PAPOLA: variants seen among roughly 807,000 people sequenced by gnomAD.
PAPOLA encodes polynucleotide adenylyltransferase alpha.
In PAPOLA, 15 loss-of-function variants were observed where a neutral mutation model predicts 100.6. The ratio of observed to expected loss-of-function variants is 0.15; its 90% CI spans 0.10 to 0.23. The LOEUF (loss-of-function observed/expected upper bound fraction) is 0.23. Ranked by LOEUF, PAPOLA falls within the 10% of genes least tolerant of loss-of-function variation. The pLI is 1.00. For synonymous variants in PAPOLA, 293 were observed against 300.0 expected (o/e 0.98, Z 0.24); for missense variants, 533 against 884.2 (o/e 0.60, Z 5.04).
chr14:96,509,775 A>G (rs1379217468), intron 1 of PAPOLA, among the ~76,000 whole-genome samples: 1 of 152,206 alleles, frequency 6.6e-6, no homozygotes, highest in Non-Finnish European at 1.5e-5. Context: ...AGGAATAGTA[A>G]AAATACGGTA....
intron 1 of PAPOLA, among the ~76,000 whole-genome samples, chr14:96,513,910 C>G (rs147421947): frequency 6.6e-6 from 1 of 152,030 alleles, no homozygotes; most frequent in Non-Finnish European, 1.5e-5. Context: ...ATGGCTTTTG[C>G]GTTCCGTGTC....
intron 7 of PAPOLA, chr14:96,531,967 A>G: frequency 8.0e-7 from 1 of 1,253,178 alleles, no homozygotes; most frequent in Non-Finnish European, 1.0e-6. Context: ...ATATTAGCAT[A>G]GCTTGTTACT....
chr14:96,506,312 C>A (rs983303483), intron 1 of PAPOLA, among the ~76,000 whole-genome samples: 1 of 152,158 alleles, frequency 6.6e-6, no homozygotes, highest in African/African-American at 2.4e-5. Context: ...ATTTAATGTA[C>A]TGTGACCACG....
intron 16 of PAPOLA, among the ~76,000 whole-genome samples, chr14:96,549,272 G>A (rs1384281013): frequency 2.0e-5 from 3 of 148,028 alleles, no homozygotes; most frequent in Non-Finnish European, 4.5e-5. Flanking sequence ...TTTTTGAGAC[G>A]GAGTCTCACT....
At chr14:96,529,385 T>G (rs1898787714) in intron 6 of PAPOLA, among the ~76,000 whole-genome samples, 1 of 151,962 alleles carries the variant, frequency 6.6e-6, no homozygotes, top group Admixed American at 6.6e-5. Flanking sequence ...TAGGTATGTT[T>G]AAATGATATT....
At chr14:96,534,735 A>G in intron 10 of PAPOLA, 172 bp downstream of exon 10, 5 of 1,432,242 alleles carry the variant, frequency 3.5e-6, no homozygotes, top group Non-Finnish European at 3.6e-6. Flanking sequence ...AATTGATGTG[A>G]GAAGCATAAT....
chr14:96,522,108 C>CT (rs1566840969), intron 3 of PAPOLA, among the ~76,000 whole-genome samples: 21 of 98,320 alleles, frequency 2.1e-4, no homozygotes, highest in African/African-American at 9.3e-4. Context: ...TAGCCTCTTT[C>CT]TTTCTTTCTT....
chr14:96,552,573 A>G lies in PAPOLA; in HGVS notation c.1615A>G (p.Thr539Ala), dbSNP rs201752398. The G allele has an allele frequency of 5.0e-5, 80 of 1,613,982 alleles. No individual in the cohort carries two copies. The highest frequency in any genetic ancestry group is 2.2e-5 in the East Asian group (1 of 44,884). The change falls in exon 17 of 22, where the codon ACT becomes GCT. Residue 539 changes from threonine to alanine, a missense_variant. Physicochemically the swap from Thr to Ala is moderately conservative, Grantham distance 58. Around this residue, in one of 9 missense-constraint regions of PAPOLA, gnomAD observed 242 missense variants for 281.0 expected, o/e 0.86. Transcript: ENST00000216277. Reference sequence around the variant, plus strand: ...TAACAGCATGTCTGTGCCTTCACCTACTAGTGCTACGAAGACCAGTCCATT... The same window carrying G: ...TAACAGCATGTCTGTGCCTTCACCTGCTAGTGCTACGAAGACCAGTCCATT... ...SDNSMSVPSP[T>A]SATKTSPLNS... is the part of the protein sequence containing the mutation.
intron 21 of PAPOLA, 73 bp from the exon 22 acceptor site, chr14:96,564,882 G>T (rs1371899491): frequency 3.8e-6 from 3 of 798,406 alleles, no homozygotes; most frequent in Non-Finnish European, 4.4e-6. Context: ...AGGAAGTAAA[G>T]CAATGGAAAA....
chr14:96,544,127 A>G (rs1900203739), intron 14 of PAPOLA, 22 bp from the exon 15 acceptor site: 2 of 1,227,168 alleles, frequency 1.6e-6, no homozygotes, highest in South Asian at 1.2e-5. Context: ...CAGATAAACT[A>G]TGGTAATGCT....
intron 8 of PAPOLA, 35 bp from the exon 9 acceptor site, chr14:96,532,476 A>G: frequency 1.9e-6 from 3 of 1,607,154 alleles, no homozygotes; most frequent in South Asian, 1.1e-5. Flanking sequence ...TTTGTTCAAC[A>G]CTAACTTATC....
intron 3 of PAPOLA, among the ~76,000 whole-genome samples, chr14:96,523,945 G>GGA (rs1555392234): frequency 8.6e-6 from 1 of 116,062 alleles, no homozygotes; most frequent in African/African-American, 3.2e-5. Flanking sequence ...CTCTGTCTCA[G>GGA]AAAAAAAAAA....
chr14:96,514,673 C>T (rs915935545), intron 1 of PAPOLA, among the ~76,000 whole-genome samples: 1 of 152,148 alleles, frequency 6.6e-6, no homozygotes, highest in Admixed American at 6.5e-5. Flanking sequence ...TCTTGACAGC[C>T]CTGCATGGGG....
intron 1 of PAPOLA, among the ~76,000 whole-genome samples, chr14:96,519,745 A>AT (rs1361817866): frequency 2.0e-5 from 3 of 152,190 alleles, no homozygotes; most frequent in Admixed American, 2.0e-4. Context: ...TAAGAAACAG[A>AT]TTTTGGCTTC....
intron 6 of PAPOLA, among the ~76,000 whole-genome samples, chr14:96,528,889 G>A (rs996873255): frequency 6.6e-6 from 1 of 152,164 alleles, no homozygotes; most frequent in African/African-American, 2.4e-5. Context: ...TCAAGTTCAT[G>A]TAGTTTTGAT....
intron 6 of PAPOLA, among the ~76,000 whole-genome samples, chr14:96,530,815 T>G (rs2140280531): frequency 6.6e-6 from 1 of 152,278 alleles, no homozygotes; most frequent in East Asian, 1.9e-4. Context: ...AAAATTAGGT[T>G]TTTGTTTTGC....
intron 16 of PAPOLA, among the ~76,000 whole-genome samples, chr14:96,550,795 C>T (rs567559462): frequency 6.6e-6 from 1 of 152,284 alleles, no homozygotes; most frequent in African/African-American, 2.4e-5. Context: ...CACTTTCTTG[C>T]TTAATAACAA....
At chr14:96,535,661 A>G (rs1899460659) in intron 10 of PAPOLA, 2 of 927,350 alleles carry the variant, frequency 2.2e-6, no homozygotes, top group Admixed American at 4.6e-5. Flanking sequence ...AAGGTTGCCA[A>G]AATCCAAATT....
At chr14:96,535,015 A>G (rs866893296) in intron 10 of PAPOLA, 6 of 979,330 alleles carry the variant, frequency 6.1e-6, no homozygotes, top group Admixed American at 6.1e-5. Flanking sequence ...CCATGATGTA[A>G]TTGTAAAAAA....
Sources: gnomAD v4.1 joint callset for allele counts (sites outside exome capture counted in the v4.1 genomes callset) on GRCh38, gnomAD v4.1.1 for gene constraint, gnomAD v4.1.1 regional missense constraint, MANE v1.5 for transcripts, NCBI Gene and HGNC (gene_info 2026-07-23, HGNC 2026-07-21) for gene names.